Variants in MTUS2 observed in about 807,000 individuals in gnomAD.
MTUS2 encodes microtubule associated scaffold protein 2, also known as microtubule-associated tumor suppressor candidate 2.
MTUS2 carries 40 observed loss-of-function variants against 114.1 expected under a neutral mutation model. The observed-to-expected ratio is 0.35, with a 90% CI of 0.27 to 0.46. MTUS2 has a LOEUF of 0.46. MTUS2 is among the 20% of genes least tolerant of loss of function. MTUS2 has a pLI of 1.00. For synonymous variants in MTUS2, 688 were observed against 672.0 expected (o/e 1.02, Z -0.37); for missense variants, 1,679 against 1,705.4 (o/e 0.98, Z 0.27).
At chr13:28,850,599 A>G (rs1470650593) in intron 2 of MTUS2, among the ~76,000 whole-genome samples, 2 of 152,246 alleles carry the variant, frequency 1.3e-5, no homozygotes, top group Admixed American at 1.3e-4. Flanking sequence ...GGGTATGCTT[A>G]ACATTAAGGT....
At chr13:29,261,894 T>A (rs545607811) in intron 5 of MTUS2, among the ~76,000 whole-genome samples, 1 of 144,248 alleles carries the variant, frequency 6.9e-6, no homozygotes, top group South Asian at 2.2e-4. Flanking sequence ...GTCTAATTGA[T>A]ATAAAAGAGG....
intron 5 of MTUS2, among the ~76,000 whole-genome samples, chr13:29,252,679 G>A (rs1052953698): frequency 1.3e-5 from 2 of 152,006 alleles, no homozygotes; most frequent in South Asian, 4.2e-4. Flanking sequence ...GAACCATGGG[G>A]GCAGTTTCCC....
chr13:29,375,376 G>A (rs1057500730), intron 8 of MTUS2, among the ~76,000 whole-genome samples: 1 of 137,834 alleles, frequency 7.3e-6, no homozygotes, highest in African/African-American at 2.7e-5. Context: ...GGCAAAAACC[G>A]CAATTACTTA....
chr13:29,260,809 C>T (rs1897444593), intron 5 of MTUS2, among the ~76,000 whole-genome samples: 1 of 152,198 alleles, frequency 6.6e-6, no homozygotes, highest in African/African-American at 2.4e-5. Context: ...GGACATTTGA[C>T]AAAGTCTAGA....
chr13:28,985,921 A>G (rs1430383443), intron 2 of MTUS2, among the ~76,000 whole-genome samples: 1 of 152,164 alleles, frequency 6.6e-6, no homozygotes, highest in African/African-American at 2.4e-5. Flanking sequence ...TTCCAGCCCG[A>G]TGGCCCACCC....
At chr13:29,234,230 G>C (rs959043035) in intron 5 of MTUS2, among the ~76,000 whole-genome samples, 1 of 152,194 alleles carries the variant, frequency 6.6e-6, no homozygotes, top group South Asian at 2.1e-4. Flanking sequence ...ACTATATTCT[G>C]TGCAGGCCAG....
intron 4 of MTUS2, among the ~76,000 whole-genome samples, chr13:29,070,151 C>G (rs1888849613): frequency 6.6e-6 from 1 of 152,144 alleles, no homozygotes; most frequent in Non-Finnish European, 1.5e-5. Flanking sequence ...GGCTTTCTAT[C>G]TCGGGATGGC....
At chr13:29,284,674 G>A (rs1898406364) in intron 6 of MTUS2, among the ~76,000 whole-genome samples, 1 of 152,178 alleles carries the variant, frequency 6.6e-6, no homozygotes, top group Non-Finnish European at 1.5e-5. Context: ...AGAAAGAATT[G>A]CAACGAAAAT....
chr13:29,441,357 T>C (rs1277214289), intron 9 of MTUS2, among the ~76,000 whole-genome samples: 2 of 152,126 alleles, frequency 1.3e-5, no homozygotes, highest in Admixed American at 1.3e-4. Context: ...GTGGCCCCAC[T>C]CCCCGCAGAC....
At chr13:29,108,677 A>G (rs1040853899) in intron 5 of MTUS2, among the ~76,000 whole-genome samples, 1 of 152,180 alleles carries the variant, frequency 6.6e-6, no homozygotes, top group Non-Finnish European at 1.5e-5. Context: ...AAATGTTAGC[A>G]TGGCTATGAT....
At chr13:29,322,620 G>A (rs190179533) in intron 6 of MTUS2, among the ~76,000 whole-genome samples, 86 of 152,298 alleles carry the variant, frequency 5.6e-4, no homozygotes, top group African/African-American at 1.9e-3. Flanking sequence ...AGAATGAAGC[G>A]GGTGAAGGGG....
chr13:29,404,460 C>A (rs1224976356), intron 8 of MTUS2, among the ~76,000 whole-genome samples: 1 of 152,130 alleles, frequency 6.6e-6, no homozygotes, highest in Non-Finnish European at 1.5e-5. Context: ...GCCAGCCTCA[C>A]AGGGTCAATA....
At chr13:29,321,246 T>C (rs1324732814) in intron 6 of MTUS2, among the ~76,000 whole-genome samples, 1 of 152,056 alleles carries the variant, frequency 6.6e-6, no homozygotes, top group African/African-American at 2.4e-5. Context: ...GATACCTTGG[T>C]CCAGGTCTAA....
intron 8 of MTUS2, among the ~76,000 whole-genome samples, chr13:29,419,884 A>G (rs1218931081): frequency 6.6e-6 from 1 of 152,208 alleles, no homozygotes; most frequent in Non-Finnish European, 1.5e-5. Context: ...TTCATTAATT[A>G]AACAAAAAAT....
intron 7 of MTUS2, among the ~76,000 whole-genome samples, chr13:29,338,549 C>T (rs1268665114): frequency 6.6e-6 from 1 of 151,984 alleles, no homozygotes; most frequent in Non-Finnish European, 1.5e-5. Context: ...GAGATAATGC[C>T]ATTGCACTAC....
At chr13:29,477,692 G>A (rs1329523977) in intron 9 of MTUS2, among the ~76,000 whole-genome samples, 1 of 152,110 alleles carries the variant, frequency 6.6e-6, no homozygotes, top group Non-Finnish European at 1.5e-5. Flanking sequence ...TCCTACCTGT[G>A]CTCTGAAGCT....
Position 29,504,808 on chromosome 13 carries a change from G to A in MTUS2, c.*1602G>A, listed in dbSNP as rs892902972. 3 of 232,990 alleles carry A rather than the reference G, an allele frequency of 1.3e-5. No homozygotes were observed. The highest frequency in any genetic ancestry group is 5.6e-5 in the Admixed American group (1 of 17,784). 14.4% of individuals were successfully genotyped at this position (232,990 alleles called of 1,614,324 possible). On this transcript the variant is annotated 3_prime_UTR_variant, in exon 16 of 16. Transcript: ENST00000612955. Reference sequence around the variant, plus strand: ...GTCCTGAGCACAGGCCTGTCTTTGAGCGTGCCCAAGGCGAGAAGAACCATG... The same window carrying A: ...GTCCTGAGCACAGGCCTGTCTTTGAACGTGCCCAAGGCGAGAAGAACCATG...
At chr13:29,379,249 G>C (rs1366533426) in intron 8 of MTUS2, among the ~76,000 whole-genome samples, 1 of 152,172 alleles carries the variant, frequency 6.6e-6, no homozygotes, top group Non-Finnish European at 1.5e-5. Flanking sequence ...TTGACTTTTG[G>C]TCATAAGCCA....
intron 2 of MTUS2, among the ~76,000 whole-genome samples, chr13:29,004,645 G>C (rs1365320944): frequency 6.6e-6 from 1 of 152,176 alleles, no homozygotes; most frequent in East Asian, 1.9e-4. Flanking sequence ...TAGCATGTTA[G>C]TTTAGCTTGC....
Sources: gnomAD v4.1 joint callset for allele counts (sites outside exome capture counted in the v4.1 genomes callset) on GRCh38, gnomAD v4.1.1 for gene constraint, MANE v1.5 for transcripts, NCBI Gene and HGNC (gene_info 2026-07-23, HGNC 2026-07-21) for gene names.